UTP15: variants seen among roughly 807,000 people sequenced by gnomAD.
UTP15 encodes the protein UTP15 small subunit processome component.
Under a neutral mutation model 59.1 loss-of-function variants are expected in UTP15, and 5 were observed. The observed-to-expected ratio is 0.08, with a 90% CI of 0.04 to 0.18. UTP15 has a LOEUF of 0.18. Ranked by LOEUF, UTP15 falls within the 10% of genes least tolerant of loss-of-function variation. The pLI, the probability that UTP15 is intolerant of heterozygous loss-of-function variation, is 1.00. For missense variants in UTP15, 494 were observed against 616.7 expected, an observed-to-expected ratio of 0.80 and a Z score of 2.11; for synonymous variants, 211 against 212.2, an observed-to-expected ratio of 0.99 and a Z score of 0.05.
Position 73,565,777 on chromosome 5 carries a change from G to C in UTP15, c.-219G>C, listed in dbSNP as rs1423330228. On this transcript the variant is annotated 5_prime_UTR_variant, in exon 1 of 13. Transcript: ENST00000296792. ...TCGCGCGACGTTCGGTTCGCTGTGT[G>C]TGTCGCCGGCTCCTTGAGGGTCCAT... is the stretch of plus-strand genomic sequence containing the variant. 6.6e-6 allele frequency: 3 copies of C among 456,316 alleles called. No homozygotes were observed. Among genetic ancestry groups the C allele is most frequent in the Non-Finnish European group, 1.3e-5 (3 of 226,954 alleles). The allele number at this position is 456,316 out of a possible 1,614,324, so 28.3% of individuals were successfully genotyped here.
intron 6 of UTP15, among the ~76,000 whole-genome samples, chr5:73,571,555 AC>A (rs1405226827): frequency 6.7e-6 from 1 of 148,570 alleles, no homozygotes. Flanking sequence ...TGCTGTGTGT[AC>A]CTCCTTTTTT....
chr5:73,572,431 C>G, intron 6 of UTP15, 58 bp from the exon 7 acceptor site: 23 of 1,594,524 alleles, frequency 1.4e-5, no homozygotes, highest in Non-Finnish European at 1.9e-5. Flanking sequence ...CTTTTCAGAT[C>G]TTTAATATGT....
At chr5:73,569,714 A>T (rs998302966) in intron 5 of UTP15, 39 bp downstream of exon 5, 3 of 1,416,256 alleles carry the variant, frequency 2.1e-6, no homozygotes, top group Non-Finnish European at 2.8e-6. Flanking sequence ...AAATAATCTC[A>T]CGGGGATGTA....
At chr5:73,569,768 AT>A in intron 5 of UTP15, 93 bp downstream of exon 5, 25 of 1,090,706 alleles carry the variant, frequency 2.3e-5, no homozygotes, top group Admixed American at 2.8e-5. Context: ...AGGGGTTTAA[AT>A]TTTTTTTATA....
At chr5:73,569,082 T>C (rs1747861583) in intron 4 of UTP15, among the ~76,000 whole-genome samples, 1 of 152,218 alleles carries the variant, frequency 6.6e-6, no homozygotes, top group African/African-American at 2.4e-5. Context: ...TTTTCAGGAT[T>C]GCCAATGTCC....
At chr5:73,573,142 G>T (rs2112047113) in intron 7 of UTP15, among the ~76,000 whole-genome samples, 1 of 151,552 alleles carries the variant, frequency 6.6e-6, no homozygotes, top group African/African-American at 2.4e-5. Flanking sequence ...GTTTTAACTT[G>T]TATACTTAAA....
chr5:73,579,817 T>G (rs1748243137), intron 12 of UTP15, 60 bp from the exon 13 acceptor site: 1 of 1,228,460 alleles, frequency 8.1e-7, no homozygotes, highest in East Asian at 2.5e-5. Context: ...AAACTTTTGC[T>G]TTTCACTTAA....
At chr5:73,574,430 T>A (rs574907594) in intron 7 of UTP15, among the ~76,000 whole-genome samples, 2 of 152,182 alleles carry the variant, frequency 1.3e-5, no homozygotes, top group African/African-American at 4.8e-5. Context: ...TTTCAAGTGG[T>A]CAGTAGCCAT....
At chr5:73,567,487 C>A in intron 2 of UTP15, 53 bp downstream of exon 2, 2 of 1,337,054 alleles carry the variant, frequency 1.5e-6, no homozygotes, top group South Asian at 1.3e-5. Context: ...GCCAATTTCT[C>A]TAGCATATGT....
At chr5:73,570,555 CAAACTA>C (rs1305131303) in intron 5 of UTP15, 25 bp from the exon 6 acceptor site, 1 of 1,609,166 alleles carries the variant, frequency 6.2e-7, no homozygotes, top group Non-Finnish European at 8.5e-7. Context: ...TTTAAACAGT[CAAACTA>C]AAAATTCAAA....
Position 73,568,518 on chromosome 5 carries a change from G to T in UTP15, c.282G>T (p.Leu94Phe), listed in dbSNP as rs772927108. ...YCATFRQDGR[L>F]LVAGSEDGGV... ...CTACTTTTCGACAAGATGGTAGATT[G>T]CTTGTGGCTGGCAGTGAAGATGGTG... The change falls in exon 4 of 13, where the codon TTG becomes TTT. Residue 94 changes from leucine to phenylalanine, a missense_variant. By Grantham distance (22) the Leu-to-Phe change is conservative. Transcript: ENST00000296792. 9.3e-6 allele frequency: 15 copies of T among 1,613,988 alleles called. No homozygotes were observed. Among genetic ancestry groups the T allele is most frequent in the African/African-American group, 1.3e-5 (1 of 74,934 alleles).
chr5:73,579,343 C>G lies in UTP15; in HGVS notation c.1307C>G (p.Pro436Arg), dbSNP rs771426565. ...IRNLSQPRFA[P>R]VLINAAEIII... Reference sequence around the variant, plus strand: ...AATCTTTCTCAGCCAAGATTTGCCCCTGTTTTAATCAATGCTGCTGAAATA... The same window carrying G: ...AATCTTTCTCAGCCAAGATTTGCCCGTGTTTTAATCAATGCTGCTGAAATA... Residue 436 changes from proline (P) to arginine (R), a missense_variant, in exon 12 of 13, where the codon CCT (proline) becomes CGT (arginine). By Grantham distance (103) the Pro-to-Arg change is moderately radical. Coordinates refer to ENST00000296792, the MANE Select transcript of UTP15 (RefSeq NM_032175.4). 1.6e-5 allele frequency: 26 copies of G among 1,610,408 alleles called. No individual in the cohort carries two copies. In the South Asian group the frequency reaches 2.9e-4, roughly 18 times the overall value.
chr5:73,576,809 G>C (rs762799709), intron 7 of UTP15, 143 bp from the exon 8 acceptor site: 4 of 624,096 alleles, frequency 6.4e-6, no homozygotes, highest in Non-Finnish European at 8.2e-6. Flanking sequence ...TGATGAATTA[G>C]TTTGTAATTA....
intron 9 of UTP15, chr5:73,578,243 A>G: frequency 9.5e-6 from 4 of 421,404 alleles, no homozygotes; most frequent in Non-Finnish European, 1.7e-5. Flanking sequence ...ACTGCATTCA[A>G]AATAATGTCT....
chr5:73,568,097 T>G, intron 2 of UTP15, 138 bp from the exon 3 acceptor site: 5 of 628,522 alleles, frequency 8.0e-6, no homozygotes, highest in Non-Finnish European at 1.3e-5. Flanking sequence ...CTTTTTTGCT[T>G]TCTTTGTAAT....
chr5:73,578,305 A>G (rs1048967027), intron 9 of UTP15: 6 of 326,448 alleles, frequency 1.8e-5, no homozygotes, highest in South Asian at 1.4e-4. Context: ...AGAACCAATC[A>G]TGTCCCTGTT....
rs200107866 is a variant in UTP15, at chr5:73,579,507, AAAC to A, written c.1339+138_1339+140del. 5,031 of 755,634 alleles carry A rather than the reference AAAC, an allele frequency of 6.7e-3. 108 individuals carry two copies. Among genetic ancestry groups the A allele is most frequent in the South Asian group, 0.038 (2,010 of 52,400 alleles). The allele number at this position is 755,634 out of a possible 1,614,324, so 46.8% of individuals were successfully genotyped here. Reference sequence around the variant, plus strand: ...ATCTCAATATGGATTTTCATGGAGAAAACAACAAGTCAGTGCAGTTTAAAAAGT... The same window carrying A: ...ATCTCAATATGGATTTTCATGGAGAAAACAAGTCAGTGCAGTTTAAAAAGT... On this transcript the variant is annotated intron_variant, in intron 12 of 12. Coordinates refer to ENST00000296792, the MANE Select transcript of UTP15 (RefSeq NM_032175.4).
chr5:73,579,839 A>T (rs758037689), intron 12 of UTP15, 38 bp from the exon 13 acceptor site: 2 of 1,431,578 alleles, frequency 1.4e-6, no homozygotes, highest in East Asian at 2.3e-5. Flanking sequence ...GTATGGAAAG[A>T]TATTGCTAGT....
Position 73,579,026 on chromosome 5 carries a change from A to G in UTP15, c.1156A>G (p.Thr386Ala). 2 of 1,610,710 alleles carry G rather than the reference A, an allele frequency of 1.2e-6. No individual in the cohort carries two copies. Among genetic ancestry groups the G allele is most frequent in the Non-Finnish European group, 8.5e-7 (1 of 1,177,630 alleles). ...ALDRVLDPTC[T>A]IKTPEITVSI... ...TTGAAAATTTTTCTAGCCCACTTGT[A>G]CAATAAAGACACCCGAGATTACGGT... is the stretch of plus-strand genomic sequence containing the variant. The change falls in exon 11 of 13, where the codon ACA (threonine) becomes GCA (alanine). Residue 386 changes from threonine (T) to alanine (A), a missense_variant. Physicochemically the swap from Thr to Ala is moderately conservative, Grantham distance 58. Coordinates refer to ENST00000296792, the MANE Select transcript of UTP15 (RefSeq NM_032175.4).
Sources: gnomAD v4.1 joint callset for allele counts (sites outside exome capture counted in the v4.1 genomes callset) on GRCh38, gnomAD v4.1.1 for gene constraint, MANE v1.5 for transcripts, NCBI Gene and HGNC (gene_info 2026-07-23, HGNC 2026-07-21) for gene names.